The following L3MBTL4 variants were observed in gnomAD, a reference collection of about 807,000 sequenced individuals.
L3MBTL4 encodes the protein L3MBTL histone methyl-lysine binding protein 4, also known as lethal(3)malignant brain tumor-like protein 4.
L3MBTL4 carries 70 observed loss-of-function variants against 84.5 expected under a neutral mutation model. The ratio of observed to expected loss-of-function variants is 0.83; its 90% CI spans 0.68 to 1.01. The LOEUF (loss-of-function observed/expected upper bound fraction) is 1.01, where lower values mean the gene tolerates loss of function less well. L3MBTL4 is among the 50% of genes least tolerant of loss of function. The pLI is 0.00. For missense variants in L3MBTL4, 715 were observed against 754.8 expected, an observed-to-expected ratio of 0.95 and a Z score of 0.62; for synonymous variants, 274 against 259.8, an observed-to-expected ratio of 1.05 and a Z score of -0.52.
chr18:6,102,394 T>C (rs1192960908), intron 14 of L3MBTL4, among the ~76,000 whole-genome samples: 1 of 152,204 alleles, frequency 6.6e-6, no homozygotes, highest in Non-Finnish European at 1.5e-5. Context: ...ACTCAGGCCA[T>C]GTTTGTTCCT....
At chr18:5,972,418 G>T (rs1306437985) in intron 16 of L3MBTL4, among the ~76,000 whole-genome samples, 1 of 152,112 alleles carries the variant, frequency 6.6e-6, no homozygotes, top group Non-Finnish European at 1.5e-5. Flanking sequence ...TGTCTGTCAT[G>T]CAGGGCTGGT....
At chr18:5,980,471 G>A (rs1251592626) in intron 16 of L3MBTL4, among the ~76,000 whole-genome samples, 3 of 112,820 alleles carry the variant, frequency 2.7e-5, no homozygotes, top group Admixed American at 1.1e-4. Context: ...TACTTTTGTC[G>A]CCCAGGCTGG....
chr18:6,240,282 T>C lies in L3MBTL4; in HGVS notation c.553-410A>G, dbSNP rs17409250. Among the ~76,000 whole-genome samples the C allele has an allele frequency of 4.0e-3, 610 of 152,214 alleles. 3 individuals carry two copies. Among genetic ancestry groups the C allele is most frequent in the Admixed American group, 7.2e-3 (110 of 15,294 alleles). On this transcript the variant is annotated intron_variant, in intron 8 of 18. Coordinates refer to ENST00000317931, the MANE Select transcript of L3MBTL4 (RefSeq NM_001330559.2). Reference sequence around the variant, plus strand: ...ACTATTTGAAAAAGTGGTGAAGATATGCTCTAATTAGCACCAAAGTATCCT... The same window carrying C: ...ACTATTTGAAAAAGTGGTGAAGATACGCTCTAATTAGCACCAAAGTATCCT...
At chr18:6,181,648 A>G (rs1042680390) in intron 12 of L3MBTL4, among the ~76,000 whole-genome samples, 5 of 151,976 alleles carry the variant, frequency 3.3e-5, no homozygotes, top group Admixed American at 6.6e-5. Flanking sequence ...TAGTTTTTCA[A>G]TGCTCTGCCT....
chr18:6,284,900 G>A (rs1420116698), intron 4 of L3MBTL4, among the ~76,000 whole-genome samples: 1 of 152,218 alleles, frequency 6.6e-6, no homozygotes, highest in East Asian at 1.9e-4. Context: ...CCCGGAACGG[G>A]GAGGGAAAAC....
Position 6,024,989 on chromosome 18 carries a change from TC to T in L3MBTL4, c.1445-55428del, listed in dbSNP as rs1289420795. ...TTAAAAATAATTTATAGCCCTCCCT[TC>T]CAAGAGGCTTTTCTTTTCCCTGTTT... On this transcript the variant is annotated intron_variant, in intron 16 of 18. Transcript: ENST00000317931. 4 of 152,200 alleles carry T rather than the reference TC, an allele frequency of 2.6e-5. No individual in the cohort carries two copies. In the East Asian group the frequency reaches 7.7e-4, roughly 29 times the overall value. 9.4% of individuals were successfully genotyped at this position (152,200 alleles called of 1,614,324 possible).
chr18:6,125,930 A>G lies in L3MBTL4; in HGVS notation c.1199+12264T>C, dbSNP rs531913839. ...ACTAAGAGTCATTTCTAACTAACAT[A>G]GAATCCAGACCAAAGACACGAATTT... is the stretch of plus-strand genomic sequence containing the variant. On this transcript the variant is annotated intron_variant, in intron 14 of 18. Transcript: ENST00000317931. Among the ~76,000 whole-genome samples, 11 of 152,356 alleles carry G rather than the reference A, an allele frequency of 7.2e-5. No individual in the cohort carries two copies. In the East Asian group the frequency reaches 2.1e-3, roughly 29 times the overall value.
chr18:6,201,480 G>A (rs1234110897), intron 12 of L3MBTL4, among the ~76,000 whole-genome samples: 1 of 152,152 alleles, frequency 6.6e-6, no homozygotes, highest in Non-Finnish European at 1.5e-5. Flanking sequence ...CCAGGAATGG[G>A]CTTAGGGCTG....
At chr18:6,339,937 T>C (rs1487633384) in intron 1 of L3MBTL4, among the ~76,000 whole-genome samples, 3 of 152,168 alleles carry the variant, frequency 2.0e-5, no homozygotes, top group African/African-American at 7.2e-5. Flanking sequence ...TATTAAAATC[T>C]TTCTATAAAG....
At chr18:6,097,006 A>G (rs2143756437) in intron 14 of L3MBTL4, among the ~76,000 whole-genome samples, 1 of 152,258 alleles carries the variant, frequency 6.6e-6, no homozygotes, top group South Asian at 2.1e-4. Context: ...TCCTTAATTC[A>G]CAGAAGAATC....
chr18:6,240,752 C>T (rs1053015944), intron 8 of L3MBTL4, among the ~76,000 whole-genome samples: 7 of 152,306 alleles, frequency 4.6e-5, no homozygotes, highest in African/African-American at 1.7e-4. Flanking sequence ...TATAACACTG[C>T]TTTCAAGATC....
chr18:6,146,897 C>T (rs1191360507), intron 13 of L3MBTL4, among the ~76,000 whole-genome samples: 4 of 151,582 alleles, frequency 2.6e-5, no homozygotes, highest in Admixed American at 1.3e-4. Context: ...CCAGTCCTGG[C>T]GAAGGCAAAA....
chr18:5,983,972 T>C (rs1313235965), intron 16 of L3MBTL4, among the ~76,000 whole-genome samples: 1 of 152,180 alleles, frequency 6.6e-6, no homozygotes, highest in Non-Finnish European at 1.5e-5. Context: ...AGTGCAATTA[T>C]GTAATCTAGG....
At chr18:6,007,598 G>T (rs1454979426) in intron 16 of L3MBTL4, among the ~76,000 whole-genome samples, 1 of 152,126 alleles carries the variant, frequency 6.6e-6, no homozygotes, top group Non-Finnish European at 1.5e-5. Context: ...TTCCACTTTT[G>T]GGAATTTATC....
intron 1 of L3MBTL4, among the ~76,000 whole-genome samples, chr18:6,355,368 A>T (rs887301350): frequency 3.3e-5 from 5 of 152,154 alleles, no homozygotes; most frequent in African/African-American, 1.2e-4. Context: ...TAATAAATTA[A>T]CTCTTTATTC....
At chr18:6,354,788 T>G (rs1048820291) in intron 1 of L3MBTL4, among the ~76,000 whole-genome samples, 9 of 152,046 alleles carry the variant, frequency 5.9e-5, no homozygotes, top group African/African-American at 2.2e-4. Flanking sequence ...TAACAAACAC[T>G]GGTGAGGATG....
At chr18:6,006,785 C>T (rs1400426154) in intron 16 of L3MBTL4, among the ~76,000 whole-genome samples, 2 of 152,128 alleles carry the variant, frequency 1.3e-5, no homozygotes, top group African/African-American at 4.8e-5. Flanking sequence ...AGGAAGTTCA[C>T]AAATAGACCA....
At chr18:6,117,193 T>G (rs1407851973) in intron 14 of L3MBTL4, among the ~76,000 whole-genome samples, 3 of 152,170 alleles carry the variant, frequency 2.0e-5, no homozygotes, top group Non-Finnish European at 4.4e-5. Flanking sequence ...TAAGCGGGAC[T>G]AATTTATAGA....
chr18:6,357,946 A>G (rs1395142620), intron 1 of L3MBTL4, among the ~76,000 whole-genome samples: 2 of 152,184 alleles, frequency 1.3e-5, no homozygotes, highest in Non-Finnish European at 2.9e-5. Context: ...TTGGGAAGAC[A>G]CAAAACCATC....
Sources: allele counts gnomAD v4.1 joint callset (sites outside exome capture counted in the v4.1 genomes callset), GRCh38; gene constraint gnomAD v4.1.1; transcripts MANE v1.5; gene names NCBI Gene and HGNC (gene_info 2026-07-23, HGNC 2026-07-21).